The following CD34 variants were observed in gnomAD, a reference collection of about 807,000 sequenced individuals.
The protein encoded by CD34 is CD34 molecule.
In CD34, 34 loss-of-function variants were observed where a neutral mutation model predicts 40.1. The observed-to-expected ratio is 0.85, with a 90% CI of 0.65 to 1.13. The LOEUF (loss-of-function observed/expected upper bound fraction) is 1.13. Ranked by LOEUF, CD34 falls within the 50% of genes most tolerant of loss-of-function variation. The probability of loss-of-function intolerance (pLI) is 0.00; values close to 1 mark genes in which losing one functional copy is unlikely to be tolerated. For synonymous variants in CD34, 209 were observed against 190.0 expected, an observed-to-expected ratio of 1.10 and a Z score of -0.82; for missense variants, 426 against 466.9, an observed-to-expected ratio of 0.91 and a Z score of 0.81.
chr1:207,909,911 AAG>A (rs1218211359), intron 1 of CD34, among the ~76,000 whole-genome samples: 1 of 152,232 alleles, frequency 6.6e-6, no homozygotes, highest in African/African-American at 2.4e-5. Flanking sequence ...ACTGGGAACA[AAG>A]AGGTCTAGTC....
Position 207,911,081 on chromosome 1 carries a change from C to G in CD34, c.-1G>C. 1 of 1,575,910 alleles carries G rather than the reference C, an allele frequency of 6.3e-7. No individual in the cohort carries two copies. The highest frequency in any genetic ancestry group is 8.6e-7 in the Non-Finnish European group (1 of 1,164,394). On this transcript the variant is annotated 5_prime_UTR_variant, in exon 1 of 8. Coordinates refer to ENST00000310833, the MANE Select transcript of CD34 (RefSeq NM_001025109.2). ...CGCGCGCGCCCCTGCGGACCAGCAT[C>G]CTTCCCGCGCGGCTCCTAGAGAGAC...
intron 4 of CD34, among the ~76,000 whole-genome samples, chr1:207,895,295 T>C (rs1391160176): frequency 6.6e-6 from 1 of 152,136 alleles, no homozygotes; most frequent in Non-Finnish European, 1.5e-5. Context: ...GAGGATAAAT[T>C]ACCTTGGGGA....
rs1661840301 is a variant in CD34 at position 207,883,373 on chromosome 1, AGCTGGAAAGGGTCCT to A, written c.*4350_*4364del. 1.3e-5 allele frequency: 2 copies of A among 152,250 alleles called. No homozygotes were observed. Among genetic ancestry groups the A allele is most frequent in the Admixed American group, 1.3e-4 (2 of 15,288 alleles). The allele number at this position is 152,250 out of a possible 1,614,324, so 9.4% of individuals were successfully genotyped here. ...TCATGACCCAGTCTCAGATCTTCTC[AGCTGGAAAGGGTCCT>A]GCCCACATCTAGATACAAAGCACTT... On this transcript the variant is annotated 3_prime_UTR_variant, in exon 8 of 8. Transcript: ENST00000310833.
At position 207,881,264 on chromosome 1, in the gene CD34, A is replaced by G. The variant is rs1661799223; in HGVS notation, c.*6474T>C. 1 of 152,146 alleles carries G rather than the reference A, an allele frequency of 6.6e-6. No homozygotes were observed. Among genetic ancestry groups the G allele is most frequent in the African/African-American group, 2.4e-5 (1 of 41,430 alleles). 9.4% of individuals were successfully genotyped at this position (152,146 alleles called of 1,614,324 possible). Reference sequence around the variant, plus strand: ...ATTTGAATAATAATACTACAAATCTATTTTCCTTTTTCACATTCATTCTTT... The same window carrying G: ...ATTTGAATAATAATACTACAAATCTGTTTTCCTTTTTCACATTCATTCTTT... On this transcript the variant is annotated 3_prime_UTR_variant, in exon 8 of 8. Coordinates refer to ENST00000310833, the MANE Select transcript of CD34 (RefSeq NM_001025109.2).
chr1:207,892,905 C>A (rs796632640), intron 4 of CD34, among the ~76,000 whole-genome samples: 3 of 152,260 alleles, frequency 2.0e-5, no homozygotes, highest in African/African-American at 7.2e-5. Context: ...GGTCCCTCCA[C>A]CCCTTGCACA....
At chr1:207,902,623 C>G (rs1398029703) in intron 1 of CD34, among the ~76,000 whole-genome samples, 1 of 152,228 alleles carries the variant, frequency 6.6e-6, no homozygotes, top group Non-Finnish European at 1.5e-5. Context: ...ATACTGATTA[C>G]TGGGGACCCC....
rs1283293027 is a variant in CD34, at chr1:207,881,769, T to C, written c.*5969A>G. On this transcript the variant is annotated 3_prime_UTR_variant, in exon 8 of 8. Coordinates refer to ENST00000310833, the MANE Select transcript of CD34 (RefSeq NM_001025109.2). Reference sequence around the variant, plus strand: ...CTCTTTTTCCTAATTGTTTTTGTTTTGGAAAATATAATTATTTTTCATTAA... The same window carrying C: ...CTCTTTTTCCTAATTGTTTTTGTTTCGGAAAATATAATTATTTTTCATTAA... 1.3e-5 allele frequency: 2 copies of C among 152,156 alleles called. No homozygotes were observed. Among genetic ancestry groups the C allele is most frequent in the African/African-American group, 2.4e-5 (1 of 41,438 alleles). The allele number at this position is 152,156 out of a possible 1,614,324, so 9.4% of individuals were successfully genotyped here.
At position 207,888,713 on chromosome 1, in the gene CD34, C is replaced by T. The variant is rs146542924; in HGVS notation, c.941G>A (p.Arg314His). 7.7e-5 allele frequency: 124 copies of T among 1,614,080 alleles called. No individual in the cohort carries two copies. Among genetic ancestry groups the T allele is most frequent in the Non-Finnish European group, 8.2e-5 (97 of 1,180,048 alleles). The change falls in exon 7 of 8, where the codon CGC becomes CAC. Residue 314 changes from arginine to histidine, a missense_variant. Arg to His is a conservative substitution (Grantham distance 29). Transcript: ENST00000310833. The part of the protein sequence containing the change: ...LGITGYFLMN[R>H]RSWSPTGERL... ...TTCTCCTGTGGGGCTCCAGCTGCGG[C>T]GATTCATCAGGAAATAGCCAGTGAT...
chr1:207,911,046 C>T lies in CD34; in HGVS notation c.35G>A (p.Arg12Lys). ...LVRRGARAGP[R>K]MPRGWTALCL... ...AAGCGCGGTCCAGCCCCGCGGCATC[C>T]TGGGCCCTGCGCGCGCGCCCCTGCG... The change falls in exon 1 of 8, where the codon AGG becomes AAG. Residue 12 changes from arginine to lysine, a missense_variant. Arg to Lys is a conservative substitution (Grantham distance 26). Transcript: ENST00000310833. The T allele has an allele frequency of 6.3e-7, 1 of 1,593,392 alleles. No homozygotes were observed. The highest frequency in any genetic ancestry group is 2.3e-5 in the East Asian group (1 of 44,298).
intron 4 of CD34, among the ~76,000 whole-genome samples, chr1:207,896,531 TG>T (rs1439745865): frequency 6.6e-6 from 1 of 152,168 alleles, no homozygotes; most frequent in Admixed American, 6.5e-5. Context: ...CCAAAATAAT[TG>T]TTCAAAACTC....
chr1:207,887,881 A>G lies in CD34; in HGVS notation c.1015T>C (p.Tyr339His), dbSNP rs1235926829. The change falls in exon 8 of 8, where the codon TAT (tyrosine) becomes CAT (histidine). Residue 339 changes from tyrosine (Y) to histidine (H), a missense_variant. Coordinates refer to ENST00000310833, the MANE Select transcript of CD34 (RefSeq NM_001025109.2). ...GGGGAGGTCCCAGGTCCTGAGCTAT[A>G]GCCCTGGCCTCCACCGTTTTCCGTG... The part of the protein sequence containing the change: ...YYTENGGGQG[Y>H]SSGPGTSPEA... 1 of 1,614,046 alleles carries G rather than the reference A, an allele frequency of 6.2e-7. No individual in the cohort carries two copies.
At chr1:207,904,724 T>C (rs923936309) in intron 1 of CD34, among the ~76,000 whole-genome samples, 2 of 152,214 alleles carry the variant, frequency 1.3e-5, no homozygotes, top group Admixed American at 1.3e-4. Flanking sequence ...CAAAATCATA[T>C]ATGCTGCTTC....
At chr1:207,905,867 C>G (rs1318368802) in intron 1 of CD34, among the ~76,000 whole-genome samples, 1 of 152,170 alleles carries the variant, frequency 6.6e-6, no homozygotes, top group African/African-American at 2.4e-5. Context: ...CATGCTTAGA[C>G]TTGGGTCCTA....
In CD34 at chr1:207,899,898, G is replaced by A. The variant is rs747713193; in HGVS notation, c.185C>T (p.Thr62Ile). The A allele has an allele frequency of 1.4e-5, 22 of 1,613,892 alleles. No homozygotes were observed. The highest frequency in any genetic ancestry group is 4.5e-5 in the East Asian group (2 of 44,892). ...VSTNVSYQET[T>I]TPSTLGSTSL... ...GGTACTTCCAAGGGTACTAGGTGTT[G>A]TAGTTTCTTGGTAGGATACATTTGT... Residue 62 changes from threonine to isoleucine, a missense_variant, in exon 2 of 8, where the codon ACA (threonine) becomes ATA (isoleucine). Coordinates refer to ENST00000310833, the MANE Select transcript of CD34 (RefSeq NM_001025109.2).
At chr1:207,888,609 C>G (rs1337534084) in intron 7 of CD34, 73 bp downstream of exon 7, 1 of 1,446,286 alleles carries the variant, frequency 6.9e-7, no homozygotes, top group Non-Finnish European at 9.6e-7. Flanking sequence ...TCCTCCTGCT[C>G]CATGACATCC....
rs1279434069 is a variant in CD34 at position 207,899,224 on chromosome 1, T to C, written c.265A>G (p.Thr89Ala). The C allele has an allele frequency of 3.7e-6, 6 of 1,613,960 alleles. No individual in the cohort carries two copies. The highest frequency in any genetic ancestry group is 4.2e-6 in the Non-Finnish European group (5 of 1,179,850). The change falls in exon 3 of 8, where the codon ACG becomes GCG. Residue 89 changes from threonine to alanine, a missense_variant and splice_region_variant. By Grantham distance (58) the Thr-to-Ala change is moderately conservative (BLOSUM62 0). Transcript: ENST00000310833. ...GNEATTNITE[T>A]TVKFTSTSVI... ...GAGGTAGATGTGAATTTGACTGTCGTTTCTGGAAGAGACCAAAACATGGGT... is the reference window on the plus strand; with the variant it reads ...GAGGTAGATGTGAATTTGACTGTCGCTTCTGGAAGAGACCAAAACATGGGT...
intron 1 of CD34, among the ~76,000 whole-genome samples, chr1:207,909,525 C>T (rs1283808917): frequency 1.3e-5 from 2 of 152,176 alleles, no homozygotes; most frequent in Non-Finnish European, 2.9e-5. Context: ...TCTCCTGCCT[C>T]AGCCTCCCGA....
Position 207,885,076 on chromosome 1 carries a change from G to A in CD34, c.*2662C>T, listed in dbSNP as rs1661875829. On this transcript the variant is annotated 3_prime_UTR_variant, in exon 8 of 8. Transcript: ENST00000310833. ...TAGTTTGTCTTTAACTATACCATAA[G>A]GGAGTTTAATTAAATGTATCTTTAA... is the stretch of plus-strand genomic sequence containing the variant. 1 of 152,172 alleles carries A rather than the reference G, an allele frequency of 6.6e-6. No individual in the cohort carries two copies. The highest frequency in any genetic ancestry group is 2.1e-4 in the South Asian group (1 of 4,824). The allele number at this position is 152,172 out of a possible 1,614,324, so 9.4% of individuals were successfully genotyped here. A position where few individuals can be genotyped will look rare whatever the true frequency, so the allele number is the denominator to read the frequency against.
At chr1:207,895,843 A>G (rs947222384) in intron 4 of CD34, among the ~76,000 whole-genome samples, 1 of 152,238 alleles carries the variant, frequency 6.6e-6, no homozygotes, top group Non-Finnish European at 1.5e-5. Context: ...CTAGCAAAGA[A>G]CTTGACAATT....
Sources: gnomAD v4.1 joint callset for allele counts (sites outside exome capture counted in the v4.1 genomes callset) on GRCh38, gnomAD v4.1.1 for gene constraint, MANE v1.5 for transcripts, NCBI Gene and HGNC (gene_info 2026-07-23, HGNC 2026-07-21) for gene names.